Variants in GRAMD1B observed in about 807,000 individuals in gnomAD.
The protein encoded by GRAMD1B is protein Aster-B.
A neutral mutation model predicts 99.7 loss-of-function variants in GRAMD1B; 37 were observed. The observed-to-expected ratio is 0.37, with a 90% CI of 0.29 to 0.49. The LOEUF (loss-of-function observed/expected upper bound fraction) is 0.49, where lower values mean the gene tolerates loss of function less well. GRAMD1B is among the 20% of genes least tolerant of loss of function. The probability of loss-of-function intolerance (pLI) is 0.98; values close to 1 mark genes in which losing one functional copy is unlikely to be tolerated. For missense variants in GRAMD1B, 888 were observed against 1,009.2 expected, an observed-to-expected ratio of 0.88 and a Z score of 1.63; for synonymous variants, 427 against 387.6, an observed-to-expected ratio of 1.10 and a Z score of -1.19.
At chr11:123,416,321 G>C (rs1948232193) in intron 1 of GRAMD1B, among the ~76,000 whole-genome samples, 1 of 152,166 alleles carries the variant, frequency 6.6e-6, no homozygotes, top group Non-Finnish European at 1.5e-5. Context: ...AACCACTCCT[G>C]TTGTAAAGGA....
At position 123,609,878 on chromosome 11, in the gene GRAMD1B, C is replaced by T. The variant is rs1953302973; in HGVS notation, c.1741C>T (p.Leu581=). 7 of 1,598,020 alleles carry T rather than the reference C, an allele frequency of 4.4e-6. No individual in the cohort carries two copies. The highest frequency in any genetic ancestry group is 1.3e-5 in the African/African-American group (1 of 74,616). Residue 581 remains leucine, a synonymous_variant, in exon 13 of 20, where the codon CTG becomes TTG. Coordinates refer to ENST00000635736, the MANE Select transcript of GRAMD1B (RefSeq NM_001387025.1). ...ILYTITLTNP[L]APKTATVRET... is the part of the protein sequence containing the mutation. ...TTACACCATCACCCTTACCAACCCT[C>T]TGGCTCCCAAAACTGCCACTGTCAG... is the stretch of plus-strand genomic sequence containing the variant.
chr11:123,439,994 T>C (rs1949332986), intron 1 of GRAMD1B, among the ~76,000 whole-genome samples: 1 of 152,060 alleles, frequency 6.6e-6, no homozygotes, highest in African/African-American at 2.4e-5. Context: ...CATAGAAAAA[T>C]AATTTTCTGG....
Position 123,612,860 on chromosome 11 carries a change from T to C in GRAMD1B, c.2019T>C (p.His673=). The C allele has an allele frequency of 6.4e-7, 1 of 1,571,742 alleles. No individual in the cohort carries two copies. Residue 673 remains histidine, a synonymous_variant, in exon 15 of 20, where the codon CAT becomes CAC. Transcript: ENST00000635736. ...GTGGGCTGGAGGACTACTTCCGCCA[T>C]TTAGGTGAGCACTGCAATCCTTGCT... The part of the protein sequence containing the change: ...FWSGLEDYFR[H]LESELAKTES...
At chr11:123,575,051 G>A (rs73615843) in intron 2 of GRAMD1B, among the ~76,000 whole-genome samples, 3,480 of 152,194 alleles carry the variant, frequency 0.023, 151 homozygotes, top group African/African-American at 0.079. Context: ...CATTTTAGGT[G>A]TGTAGATCTT....
chr11:123,530,950 G>T (rs1943305077), intron 2 of GRAMD1B, among the ~76,000 whole-genome samples: 1 of 152,168 alleles, frequency 6.6e-6, no homozygotes, highest in South Asian at 2.1e-4. Flanking sequence ...GGGATTAAAT[G>T]AGTGTTGGGT....
At chr11:123,365,062 TTTAA>T (rs1158145364) in intron 1 of GRAMD1B, among the ~76,000 whole-genome samples, 4 of 152,222 alleles carry the variant, frequency 2.6e-5, no homozygotes, top group Non-Finnish European at 4.4e-5. Context: ...TGTTGTTTTA[TTTAA>T]TTGTCATAAA....
intron 2 of GRAMD1B, among the ~76,000 whole-genome samples, chr11:123,488,651 C>T (rs1203595462): frequency 7.1e-6 from 1 of 139,962 alleles, no homozygotes; most frequent in African/African-American, 2.5e-5. Flanking sequence ...CCCCACGGCC[C>T]TGACTGAAAG....
chr11:123,570,384 TAC>T (rs1243125603), intron 2 of GRAMD1B, among the ~76,000 whole-genome samples: 1 of 152,018 alleles, frequency 6.6e-6, no homozygotes, highest in African/African-American at 2.4e-5. Flanking sequence ...CTCCACATTT[TAC>T]AGAGAGGAAC....
At chr11:123,516,415 A>G (rs1941674417) in intron 2 of GRAMD1B, among the ~76,000 whole-genome samples, 1 of 152,234 alleles carries the variant, frequency 6.6e-6, no homozygotes, top group African/African-American at 2.4e-5. Context: ...GAAACTGTTT[A>G]AAGTCGAACT....
At chr11:123,429,615 C>G (rs973057356), upstream of GRAMD1B, among the ~76,000 whole-genome samples, 3 of 152,084 alleles carry the variant, frequency 2.0e-5, no homozygotes, top group East Asian at 5.8e-4. The surrounding 1 kb of genome is among the most constrained non-coding windows in gnomAD (Gnocchi z 4.0). Flanking sequence ...TTGCTAGGGA[C>G]GCGGCTATGG....
In GRAMD1B at chr11:123,577,584, G is replaced by C; in HGVS notation, c.663+7G>C. 2 of 1,571,294 alleles carry C rather than the reference G, an allele frequency of 1.3e-6. No homozygotes were observed. Among genetic ancestry groups the C allele is most frequent in the Non-Finnish European group, 1.7e-6 (2 of 1,157,916 alleles). On this transcript the variant is annotated splice_region_variant and intron_variant, in intron 3 of 19. Coordinates refer to ENST00000635736, the MANE Select transcript of GRAMD1B (RefSeq NM_001387025.1). The stretch of plus-strand genomic sequence containing the variant: ...CGGCGGCAAGAATTCCAAGGTGAGC[G>C]GGACCCCGTTGAGGCGGTACCTCCT...
rs538450617 is a variant in GRAMD1B, at chr11:123,603,347, C to T, written c.1051-79C>T. ...GAGTTTCTCCTCTTCTCCAGGGGAACCAGCCCGGCTCAGTGCCTCTGTGCA... is the reference window on the plus strand; with the variant it reads ...GAGTTTCTCCTCTTCTCCAGGGGAATCAGCCCGGCTCAGTGCCTCTGTGCA... On this transcript the variant is annotated intron_variant, in intron 8 of 19. Transcript: ENST00000635736. 1.4e-5 allele frequency: 12 copies of T among 851,302 alleles called. No homozygotes were observed. The Middle Eastern group carries it at 6.7e-4, about 47-fold the overall frequency. The allele number at this position is 851,302 out of a possible 1,614,324, so 52.7% of individuals were successfully genotyped here. A position where few individuals can be genotyped will look rare whatever the true frequency, so the allele number is the denominator to read the frequency against.
At chr11:123,550,833 G>T (rs1424190320) in intron 2 of GRAMD1B, among the ~76,000 whole-genome samples, 4 of 152,166 alleles carry the variant, frequency 2.6e-5, no homozygotes, top group Non-Finnish European at 5.9e-5. Flanking sequence ...CTGTCCTAGG[G>T]GCCGGGACTC....
intron 1 of GRAMD1B, among the ~76,000 whole-genome samples, chr11:123,399,729 C>G (rs1451340105): frequency 2.0e-5 from 3 of 152,168 alleles, no homozygotes; most frequent in Non-Finnish European, 4.4e-5. Context: ...CCTGCCTCAG[C>G]CTCTTGAGTA....
intron 2 of GRAMD1B, among the ~76,000 whole-genome samples, chr11:123,481,901 T>C (rs1417414660): frequency 6.6e-6 from 1 of 152,170 alleles, no homozygotes; most frequent in Admixed American, 6.5e-5. Flanking sequence ...TTATCGTTTT[T>C]ATCAACAAGC....
intron 2 of GRAMD1B, among the ~76,000 whole-genome samples, chr11:123,486,463 C>T (rs1200298676): frequency 2.6e-5 from 4 of 151,620 alleles, no homozygotes; most frequent in Admixed American, 2.0e-4. Flanking sequence ...GTACAAGATC[C>T]CTTGAGCATG....
At chr11:123,490,626 T>C (rs1023452014) in intron 2 of GRAMD1B, among the ~76,000 whole-genome samples, 1 of 152,182 alleles carries the variant, frequency 6.6e-6, no homozygotes, top group Non-Finnish European at 1.5e-5. Context: ...ATTCAAGATA[T>C]ATTTAGGAGA....
intron 4 of GRAMD1B, among the ~76,000 whole-genome samples, chr11:123,592,575 A>G (rs1031305006): frequency 1.3e-5 from 2 of 152,212 alleles, no homozygotes; most frequent in Non-Finnish European, 2.9e-5. Context: ...CAGGTGGTCA[A>G]GCTGGGGTTT....
At chr11:123,512,377 T>A (rs967705222) in intron 2 of GRAMD1B, among the ~76,000 whole-genome samples, 12 of 152,222 alleles carry the variant, frequency 7.9e-5, no homozygotes, top group African/African-American at 2.9e-4. Context: ...ATTTGGGGAT[T>A]TTGGGGATTT....
Sources: gnomAD v4.1 joint callset for allele counts (sites outside exome capture counted in the v4.1 genomes callset) on GRCh38, gnomAD v4.1.1 for gene constraint, Gnocchi (gnomAD v3.1) non-coding constraint, MANE v1.5 for transcripts, NCBI Gene and HGNC (gene_info 2026-07-23, HGNC 2026-07-21) for gene names.